IFT80: variants seen among roughly 807,000 people sequenced by gnomAD.
The protein encoded by IFT80 is intraflagellar transport protein 80 homolog.
A neutral mutation model predicts 107.9 loss-of-function variants in IFT80; 79 were observed. That is an observed-to-expected ratio of 0.73 (90% confidence interval 0.61 to 0.88). The LOEUF (loss-of-function observed/expected upper bound fraction) is 0.88. Ranked by LOEUF, IFT80 falls within the 40% of genes least tolerant of loss-of-function variation. IFT80 has a pLI of 0.00. For synonymous variants in IFT80, 299 were observed against 300.9 expected (o/e 0.99, Z 0.07); for missense variants, 797 against 914.2 (o/e 0.87, Z 1.65).
At chr3:160,292,768 GA>G (rs898928398) in intron 12 of IFT80, among the ~76,000 whole-genome samples, 60 of 152,194 alleles carry the variant, frequency 3.9e-4, no homozygotes, top group African/African-American at 1.4e-3. Flanking sequence ...GGGAGAGGGG[GA>G]GGAGAAAGGA....
intron 5 of IFT80, among the ~76,000 whole-genome samples, chr3:160,373,102 T>A (rs565833498): frequency 2.0e-5 from 3 of 152,256 alleles, no homozygotes; most frequent in African/African-American, 7.2e-5. Context: ...GAGATGGGGT[T>A]TTGCCATGTT....
At chr3:160,311,408 C>T (rs1169415957) in intron 9 of IFT80, among the ~76,000 whole-genome samples, 1 of 152,016 alleles carries the variant, frequency 6.6e-6, no homozygotes, top group African/African-American at 2.4e-5. Context: ...TGTAGAAAGA[C>T]GTTAGGAAAA....
At chr3:160,316,542 A>G (rs1008863582) in intron 9 of IFT80, among the ~76,000 whole-genome samples, 3 of 152,190 alleles carry the variant, frequency 2.0e-5, no homozygotes, top group African/African-American at 4.8e-5. Flanking sequence ...TACAGCTGCT[A>G]AACAGCTCAA....
chr3:160,361,276 A>ATT (rs1213077646), intron 6 of IFT80, among the ~76,000 whole-genome samples: 1 of 152,224 alleles, frequency 6.6e-6, no homozygotes, highest in Non-Finnish European at 1.5e-5. Flanking sequence ...AAAGGGACAA[A>ATT]GAAGGCCATT....
intron 5 of IFT80, 101 bp from the exon 6 acceptor site, chr3:160,366,253 G>T: frequency 1.2e-6 from 1 of 821,028 alleles, no homozygotes; most frequent in Non-Finnish European, 2.0e-6. Context: ...CATATGAGGT[G>T]TCATTTCATT....
At chr3:160,282,716 C>A (rs1466594401) in intron 13 of IFT80, 103 bp from the exon 14 acceptor site, 5 of 724,456 alleles carry the variant, frequency 6.9e-6, no homozygotes, top group African/African-American at 1.8e-5. Context: ...AATTAAATGT[C>A]ATTTCCCCAT....
At chr3:160,266,874 T>C (rs1363186401) in intron 19 of IFT80, among the ~76,000 whole-genome samples, 2 of 152,126 alleles carry the variant, frequency 1.3e-5, no homozygotes, top group Non-Finnish European at 2.9e-5. Context: ...GACCTTTGTG[T>C]CACAGTTCTT....
At chr3:160,290,765 GT>G (rs1372285149) in intron 12 of IFT80, among the ~76,000 whole-genome samples, 2 of 152,128 alleles carry the variant, frequency 1.3e-5, no homozygotes, top group African/African-American at 2.4e-5. Flanking sequence ...GTTTCGCCAT[GT>G]TGGCCAGGCT....
intron 19 of IFT80, among the ~76,000 whole-genome samples, chr3:160,260,006 G>A (rs576282618): frequency 3.3e-5 from 5 of 152,160 alleles, no homozygotes; most frequent in African/African-American, 1.2e-4. Context: ...GTAAGTGAGG[G>A]GTTAATTTAA....
chr3:160,355,425 T>TG (rs1162584259), intron 8 of IFT80, among the ~76,000 whole-genome samples: 1 of 151,964 alleles, frequency 6.6e-6, no homozygotes, highest in Non-Finnish European at 1.5e-5. Context: ...ATTTTTCAAT[T>TG]TTTTTTATAC....
intron 5 of IFT80, among the ~76,000 whole-genome samples, chr3:160,368,374 A>AG (rs1380121951): frequency 6.6e-6 from 1 of 151,596 alleles, no homozygotes; most frequent in Non-Finnish European, 1.5e-5. Flanking sequence ...AAAAAAAAAA[A>AG]AAAAACCCTG....
At chr3:160,348,972 A>G (rs571965896) in intron 8 of IFT80, among the ~76,000 whole-genome samples, 8 of 152,328 alleles carry the variant, frequency 5.3e-5, no homozygotes, top group African/African-American at 1.9e-4. Flanking sequence ...AATTCCTTTT[A>G]GAGGAGAGGA....
At chr3:160,340,815 CT>C (rs2108333508) in intron 8 of IFT80, among the ~76,000 whole-genome samples, 2 of 152,280 alleles carry the variant, frequency 1.3e-5, no homozygotes, top group East Asian at 3.9e-4. Context: ...TGCAAAGTTC[CT>C]TTTGCCATAT....
At chr3:160,298,792 C>A (rs890766637) in intron 12 of IFT80, among the ~76,000 whole-genome samples, 6 of 152,118 alleles carry the variant, frequency 3.9e-5, no homozygotes, top group Non-Finnish European at 7.4e-5. Context: ...TACTAGGCTA[C>A]AAACCTACAC....
intron 5 of IFT80, among the ~76,000 whole-genome samples, chr3:160,368,359 C>CAAA (rs56031662): frequency 1.1e-5 from 1 of 90,636 alleles, no homozygotes; most frequent in East Asian, 3.6e-4. Context: ...AGACCCAGTC[C>CAAA]AAAAAAAAAA....
intron 12 of IFT80, among the ~76,000 whole-genome samples, chr3:160,295,286 G>A (rs1715886282): frequency 1.3e-5 from 2 of 152,084 alleles, no homozygotes; most frequent in South Asian, 4.1e-4. Context: ...CAGCCACTGT[G>A]AAATATATTA....
chr3:160,270,396 G>T (rs1713705628), intron 18 of IFT80, among the ~76,000 whole-genome samples: 1 of 152,188 alleles, frequency 6.6e-6, no homozygotes, highest in African/African-American at 2.4e-5. Flanking sequence ...ACTTTTGAGA[G>T]ATATTAAACA....
Position 160,319,687 on chromosome 3 carries a change from A to G in IFT80, c.957+73T>C, listed in dbSNP as rs549408128. 9.9e-6 allele frequency: 12 copies of G among 1,209,876 alleles called. No homozygotes were observed. In the African/African-American group the frequency reaches 1.2e-4, roughly 12 times the overall value. The allele number at this position is 1,209,876 out of a possible 1,614,324, so 74.9% of individuals were successfully genotyped here. ...GCTTGACTAAATATAATTAATGAAG[A>G]TAATTCCATATTCTGTACAGTTAAC... On this transcript the variant is annotated intron_variant, in intron 9 of 19. Transcript: ENST00000326448.
chr3:160,307,871 T>A (rs1434085228), intron 9 of IFT80, 90 bp from the exon 10 acceptor site: 7 of 723,582 alleles, frequency 9.7e-6, no homozygotes, highest in Non-Finnish European at 1.8e-5. Flanking sequence ...ACACAAAAAA[T>A]TAAATGCACT....
Sources: gnomAD v4.1 joint callset for allele counts (sites outside exome capture counted in the v4.1 genomes callset) on GRCh38, gnomAD v4.1.1 for gene constraint, MANE v1.5 for transcripts, NCBI Gene and HGNC (gene_info 2026-07-23, HGNC 2026-07-21) for gene names.